Variants in BCAS3 observed in about 807,000 individuals in gnomAD.
BCAS3 encodes the protein BCAS4/BCAS3 fusion.
A neutral mutation model predicts 116.1 loss-of-function variants in BCAS3; 53 were observed. That is an observed-to-expected ratio of 0.46 (90% CI 0.37 to 0.57). The LOEUF is 0.57. BCAS3 is among the 20% of genes least tolerant of loss of function. The pLI is 0.00. For synonymous variants in BCAS3, 391 were observed against 408.2 expected, an observed-to-expected ratio of 0.96 and a Z score of 0.51; for missense variants, 917 against 1,165.4, an observed-to-expected ratio of 0.79 and a Z score of 3.10.
chr17:60,932,167 C>G (rs1304250904), intron 13 of BCAS3, among the ~76,000 whole-genome samples: 1 of 152,094 alleles, frequency 6.6e-6, no homozygotes, highest in Non-Finnish European at 1.5e-5. Context: ...CACCTTCATC[C>G]TAGTTTTTAA....
At chr17:61,267,536 G>C (rs62069617) in intron 22 of BCAS3, among the ~76,000 whole-genome samples, 92,090 of 150,146 alleles carry the variant, frequency 0.61, 32,158 homozygotes, top group East Asian at 0.8. Context: ...TCAGGAGTTC[G>C]AGACCAGCCT....
intron 14 of BCAS3, among the ~76,000 whole-genome samples, chr17:60,988,197 G>T (rs1234910195): frequency 6.8e-5 from 10 of 146,566 alleles, no homozygotes; most frequent in African/African-American, 2.4e-4. Flanking sequence ...TTTTTTTTTT[G>T]ATGTGTTGTT....
chr17:60,887,641 G>T (rs1355092994), intron 9 of BCAS3, among the ~76,000 whole-genome samples: 1 of 152,002 alleles, frequency 6.6e-6, no homozygotes, highest in African/African-American at 2.4e-5. Flanking sequence ...TGGTATTCTT[G>T]TTGAAAATCA....
At chr17:61,159,067 T>G (rs1409929882) in intron 22 of BCAS3, among the ~76,000 whole-genome samples, 6 of 152,236 alleles carry the variant, frequency 3.9e-5, no homozygotes, top group Non-Finnish European at 8.8e-5. Flanking sequence ...CTTTAAAGTG[T>G]GAGAATAGAG....
intron 22 of BCAS3, among the ~76,000 whole-genome samples, chr17:61,269,712 C>T (rs535752375): frequency 6.6e-6 from 1 of 151,896 alleles, no homozygotes; most frequent in Non-Finnish European, 1.5e-5. Flanking sequence ...TAGTAATGTT[C>T]TGCTAGCAAC....
chr17:60,809,573 T>C lies in BCAS3; in HGVS notation c.476+1497T>C, dbSNP rs557984301. 1.7e-3 allele frequency among the ~76,000 whole-genome samples: 256 copies of C among 152,292 alleles called. 2 individuals are homozygous for C. The highest frequency in any genetic ancestry group is 5.7e-3 in the African/African-American group (236 of 41,558). ...TTGAGGACTAGTACCTTACCTGCTG[T>C]GCTTGGAAAATTTTCGCTCATCTCT... On this transcript the variant is annotated intron_variant, in intron 7 of 23. Transcript: ENST00000407086.
rs1202674644 is a variant in BCAS3, at chr17:61,392,025, C to G, written c.2642C>G (p.Ser881Cys). ...GAGACTCTGAGTAACAGCTCAGGCTCCACCAGCGGCAGCATACCAAGAAAC... is the reference window on the plus strand; with the variant it reads ...GAGACTCTGAGTAACAGCTCAGGCTGCACCAGCGGCAGCATACCAAGAAAC... The part of the protein sequence containing the change: ...SIETLSNSSG[S>C]TSGSIPRNFD... The change falls in exon 24 of 24, where the codon TCC becomes TGC. Residue 881 changes from serine to cysteine, a missense_variant. Coordinates refer to ENST00000407086, the MANE Select transcript of BCAS3 (RefSeq NM_017679.5). This position sits in a 1 kb window ranked among gnomAD's most constrained non-coding sequence, Gnocchi z 6.4. The G allele has an allele frequency of 6.2e-7, 1 of 1,613,910 alleles. No individual in the cohort carries two copies. The highest frequency in any genetic ancestry group is 2.2e-5 in the East Asian group (1 of 44,866).
intron 22 of BCAS3, among the ~76,000 whole-genome samples, chr17:61,209,213 G>A (rs1451771335): frequency 1.3e-5 from 2 of 151,562 alleles, no homozygotes; most frequent in East Asian, 1.9e-4. Flanking sequence ...TTCTGATAAC[G>A]TCTTTTCCCT....
intron 16 of BCAS3, among the ~76,000 whole-genome samples, chr17:61,033,141 G>C (rs1568171701): frequency 6.6e-6 from 1 of 152,182 alleles, no homozygotes; most frequent in Non-Finnish European, 1.5e-5. Flanking sequence ...GTTAGTATTT[G>C]CTGAGTACTG....
chr17:61,061,420 A>G (rs1295575155), intron 19 of BCAS3, among the ~76,000 whole-genome samples: 2 of 152,182 alleles, frequency 1.3e-5, no homozygotes, highest in Non-Finnish European at 2.9e-5. Context: ...GTTGTTTGTC[A>G]GGGCTTAGTG....
rs1461869167 is a variant in BCAS3, at chr17:61,227,799, C to T, written c.2426-140528C>T. ...TTTTCTGTAATGATTTTCTGTTGCT[C>T]TCTGCTTGATTTTATGTAAAATTTG... On this transcript the variant is annotated intron_variant, in intron 22 of 23. Coordinates refer to ENST00000407086, the MANE Select transcript of BCAS3 (RefSeq NM_017679.5). This position sits in a 1 kb window ranked among gnomAD's most constrained non-coding sequence, Gnocchi z 6.1. Among the ~76,000 whole-genome samples, 1 of 152,152 alleles carries T rather than the reference C, an allele frequency of 6.6e-6. No homozygotes were observed. The highest frequency in any genetic ancestry group is 1.5e-5 in the Non-Finnish European group (1 of 68,038).
chr17:60,832,639 A>G (rs551098876), intron 7 of BCAS3, among the ~76,000 whole-genome samples: 1 of 152,152 alleles, frequency 6.6e-6, no homozygotes, highest in Non-Finnish European at 1.5e-5. Flanking sequence ...TAGATTCCAA[A>G]TGTAAAGAGG....
chr17:60,978,122 T>A (rs1322784352), intron 14 of BCAS3, among the ~76,000 whole-genome samples: 2 of 122,246 alleles, frequency 1.6e-5, no homozygotes, highest in Non-Finnish European at 3.1e-5. Flanking sequence ...CCACCAACAG[T>A]GTAAAAGTGT....
At chr17:61,085,432 G>A (rs1271295851) in intron 22 of BCAS3, among the ~76,000 whole-genome samples, 1 of 152,188 alleles carries the variant, frequency 6.6e-6, no homozygotes, top group African/African-American at 2.4e-5. Context: ...CTTAAACTGT[G>A]AAAGAAAATG....
In BCAS3 at chr17:61,145,756, G is replaced by A. The variant is rs1014688024; in HGVS notation, c.2425+61192G>A. Among the ~76,000 whole-genome samples the A allele has an allele frequency of 6.6e-6, 1 of 152,100 alleles. No individual in the cohort carries two copies. Among genetic ancestry groups the A allele is most frequent in the African/African-American group, 2.4e-5 (1 of 41,400 alleles). On this transcript the variant is annotated intron_variant, in intron 22 of 23. Transcript: ENST00000407086. This position sits in a 1 kb window ranked among gnomAD's most constrained non-coding sequence, Gnocchi z 5.0. ...CTTGCAGTGAGAATGACCAGAAATC[G>A]TTTCCCTCTCTGGGGGGTTCCTGTT...
chr17:60,853,654 T>G (rs374630046), intron 7 of BCAS3, among the ~76,000 whole-genome samples: 114 of 152,348 alleles, frequency 7.5e-4, no homozygotes, highest in African/African-American at 2.1e-3. Flanking sequence ...GATATATGCA[T>G]TTCCTCTAAA....
rs1226375599 is a variant in BCAS3, at chr17:61,378,025, A to C, written c.2593+9531A>C. ...GCAGAGGAAGGGGACTGTCACTAGCAGGGCCTGCCTTGACTGCCGTTGCAC... is the reference window on the plus strand; with the variant it reads ...GCAGAGGAAGGGGACTGTCACTAGCCGGGCCTGCCTTGACTGCCGTTGCAC... On this transcript the variant is annotated intron_variant, in intron 23 of 23. Transcript: ENST00000407086. The surrounding 1 kb of genome is among the most constrained non-coding windows in gnomAD (Gnocchi z 5.8). The C allele has an allele frequency of 6.6e-6, 1 of 152,180 alleles. No individual in the cohort carries two copies. The highest frequency in any genetic ancestry group is 1.5e-5 in the Non-Finnish European group (1 of 68,058). The allele number at this position is 152,180 out of a possible 1,614,324, so 9.4% of individuals were successfully genotyped here.
intron 22 of BCAS3, among the ~76,000 whole-genome samples, chr17:61,321,881 T>C (rs2055241506): frequency 6.6e-6 from 1 of 152,140 alleles, no homozygotes; most frequent in Non-Finnish European, 1.5e-5. Flanking sequence ...TCAGCTTAGT[T>C]CCTTTTTAAG....
chr17:60,986,232 A>G (rs1266858383), intron 14 of BCAS3, among the ~76,000 whole-genome samples: 7 of 152,164 alleles, frequency 4.6e-5, no homozygotes, highest in Admixed American at 4.6e-4. Context: ...TTCTTTATCC[A>G]TTCATCTGTT....
Sources: allele counts gnomAD v4.1 joint callset (sites outside exome capture counted in the v4.1 genomes callset), GRCh38; gene constraint gnomAD v4.1.1; non-coding constraint Gnocchi (gnomAD v3.1); transcripts MANE v1.5; gene names NCBI Gene and HGNC (gene_info 2026-07-23, HGNC 2026-07-21).